Variants in PDZRN3 observed in about 807,000 individuals in gnomAD.
PDZRN3 encodes PDZ domain containing ring finger 3, also known as E3 ubiquitin-protein ligase PDZRN3.
PDZRN3 carries 38 observed loss-of-function variants against 85.7 expected under a neutral mutation model. The ratio of observed to expected loss-of-function variants is 0.44; its 90% CI spans 0.34 to 0.58. The LOEUF is 0.58. Among genes scored for constraint, PDZRN3 ranks in the 20% least tolerant of loss-of-function variants. The probability of loss-of-function intolerance (pLI) is 0.01; values close to 1 mark genes in which losing one functional copy is unlikely to be tolerated. For missense variants in PDZRN3, 1,629 were observed against 1,506.4 expected (o/e 1.08, Z -1.35); for synonymous variants, 759 against 638.0 (o/e 1.19, Z -2.86).
chr3:73,618,484 C>G (rs1377488254), intron 1 of PDZRN3, among the ~76,000 whole-genome samples: 1 of 151,956 alleles, frequency 6.6e-6, no homozygotes, highest in East Asian at 1.9e-4. Flanking sequence ...TCTGCTACTC[C>G]CATTAAAAAA....
At position 73,384,670 on chromosome 3, in the gene PDZRN3, G is replaced by A. The variant is rs541733764; in HGVS notation, c.1896C>T (p.Asp632=). The A allele has an allele frequency of 1.1e-5, 17 of 1,613,886 alleles. No individual in the cohort carries two copies. Among genetic ancestry groups the A allele is most frequent in the Admixed American group, 3.3e-5 (2 of 60,012 alleles). Residue 632 remains aspartate (D), a synonymous_variant, in exon 10 of 10, where the codon GAC becomes GAT. Transcript: ENST00000263666. ...CCACCGGGATCCCCAGGTAGTCGGC[G>A]TCCGTGCAGTCGGCCGAAATGAAAG... The part of the protein sequence containing the change: ...NESFISADCT[D]ADYLGIPVDE...
rs1702948980 is a variant in PDZRN3, at chr3:73,624,923, C to G, written c.-98G>C. The G allele has an allele frequency of 5.0e-5, 47 of 941,156 alleles. No individual in the cohort carries two copies. Among genetic ancestry groups the G allele is most frequent in the Non-Finnish European group, 6.5e-5 (47 of 721,466 alleles). 58.3% of individuals were successfully genotyped at this position (941,156 alleles called of 1,614,324 possible). A position where few individuals can be genotyped will look rare whatever the true frequency, so the allele number is the denominator to read the frequency against. On this transcript the variant is annotated 5_prime_UTR_variant, in exon 1 of 10. Coordinates refer to ENST00000263666, the MANE Select transcript of PDZRN3 (RefSeq NM_015009.3). ...AGGCCGGCTACGCCGCCCGCGCGCT[C>G]GCTGGCTCTCCCCGGACTGAGCCTA...
intron 3 of PDZRN3, among the ~76,000 whole-genome samples, chr3:73,487,513 A>C (rs2106649676): frequency 1.3e-5 from 2 of 152,268 alleles, no homozygotes; most frequent in Middle Eastern, 6.8e-3. Context: ...ACACAAGATG[A>C]AGATGTCACA....
intron 3 of PDZRN3, among the ~76,000 whole-genome samples, chr3:73,505,971 A>G (rs1019468730): frequency 6.6e-6 from 1 of 152,050 alleles, no homozygotes; most frequent in African/African-American, 2.4e-5. Flanking sequence ...TATCCCCCCT[A>G]AGACTCCCAT....
At position 73,385,098 on chromosome 3, in the gene PDZRN3, C is replaced by G. The variant is rs536171144; in HGVS notation, c.1636-168G>C. Among the ~76,000 whole-genome samples, 4 of 152,356 alleles carry G rather than the reference C, an allele frequency of 2.6e-5. No homozygotes were observed. In the South Asian group the frequency reaches 8.3e-4, roughly 32 times the overall value. On this transcript the variant is annotated intron_variant, in intron 9 of 9. Coordinates refer to ENST00000263666, the MANE Select transcript of PDZRN3 (RefSeq NM_015009.3). The stretch of plus-strand genomic sequence containing the variant: ...TCAATAGCGTGGGCCTTAGCTACAC[C>G]TACCCGTATCTACCTGGGCAAGTCA...
Position 73,598,999 on chromosome 3 carries a change from C to T in PDZRN3, c.918+3355G>A, listed in dbSNP as rs568249916. On this transcript the variant is annotated intron_variant, in intron 3 of 9. Coordinates refer to ENST00000263666, the MANE Select transcript of PDZRN3 (RefSeq NM_015009.3). ...TCTCCTGCAATGAAGAATGGTTCTG[C>T]CTCCAGCACAACTATCACATATCCC... is the stretch of plus-strand genomic sequence containing the variant. Among the ~76,000 whole-genome samples the T allele has an allele frequency of 2.6e-4, 40 of 152,262 alleles. No individual in the cohort carries two copies. The South Asian group carries it at 4.8e-3, about 18-fold the overall frequency.
intron 3 of PDZRN3, among the ~76,000 whole-genome samples, chr3:73,599,797 C>A (rs2106892240): frequency 6.6e-6 from 1 of 152,348 alleles, no homozygotes; most frequent in Non-Finnish European, 1.5e-5. Flanking sequence ...TATCTGGCAG[C>A]ATCTGCAGCC....
chr3:73,504,856 T>C (rs904397411), intron 3 of PDZRN3, among the ~76,000 whole-genome samples: 1 of 152,220 alleles, frequency 6.6e-6, no homozygotes, highest in African/African-American at 2.4e-5. Context: ...TTCATTATAT[T>C]AATTAACAAC....
chr3:73,598,532 AG>A (rs1702464598), intron 3 of PDZRN3, among the ~76,000 whole-genome samples: 1 of 152,190 alleles, frequency 6.6e-6, no homozygotes, highest in Admixed American at 6.5e-5. Flanking sequence ...GCTGAATCCT[AG>A]TACCAAATGT....
In PDZRN3 at chr3:73,569,532, A is replaced by G. The variant is rs893893612; in HGVS notation, c.918+32822T>C. 1.4e-5 allele frequency: 15 copies of G among 1,046,590 alleles called. No individual in the cohort carries two copies. The Admixed American group carries it at 1.6e-4, about 11-fold the overall frequency. The allele number at this position is 1,046,590 out of a possible 1,614,324, so 64.8% of individuals were successfully genotyped here. On this transcript the variant is annotated intron_variant, in intron 3 of 9. Transcript: ENST00000263666. Reference sequence around the variant, plus strand: ...AATGAGATCAGCTGCTCCTCAGTGAAGCTTTCTCAGAAGCCTCCCACCCCC... The same window carrying G: ...AATGAGATCAGCTGCTCCTCAGTGAGGCTTTCTCAGAAGCCTCCCACCCCC...
rs553505261 is a variant in PDZRN3, at chr3:73,579,672, CCT to C, written c.918+22680_918+22681del. On this transcript the variant is annotated intron_variant, in intron 3 of 9. Coordinates refer to ENST00000263666, the MANE Select transcript of PDZRN3 (RefSeq NM_015009.3). Reference sequence around the variant, plus strand: ...TGAATGTGGCACACTGCAAGTTGCCCCTGTGTAAGAGTGAATTTCACTCTGAG... The same window carrying C: ...TGAATGTGGCACACTGCAAGTTGCCCGTGTAAGAGTGAATTTCACTCTGAG... 7.9e-5 allele frequency among the ~76,000 whole-genome samples: 12 copies of C among 152,188 alleles called. No individual in the cohort carries two copies. The East Asian group carries it at 2.3e-3, about 29-fold the overall frequency.
At chr3:73,553,576 T>A (rs1247109619) in intron 3 of PDZRN3, among the ~76,000 whole-genome samples, 4 of 136,722 alleles carry the variant, frequency 2.9e-5, no homozygotes, top group East Asian at 2.1e-4. Context: ...AGACTCCATC[T>A]AAAAAAAAAA....
intron 3 of PDZRN3, among the ~76,000 whole-genome samples, chr3:73,444,079 T>C (rs1258502080): frequency 6.6e-6 from 1 of 152,228 alleles, no homozygotes; most frequent in East Asian, 1.9e-4. Context: ...ATCTGTCTCC[T>C]GCTATCCTGC....
At chr3:73,554,574 T>A (rs903986800) in intron 3 of PDZRN3, among the ~76,000 whole-genome samples, 1 of 151,948 alleles carries the variant, frequency 6.6e-6, no homozygotes, top group Non-Finnish European at 1.5e-5. Flanking sequence ...GCCAAGGAAA[T>A]AAATATCTAT....
At chr3:73,524,532 G>A (rs1313355682) in intron 3 of PDZRN3, among the ~76,000 whole-genome samples, 3 of 152,154 alleles carry the variant, frequency 2.0e-5, no homozygotes, top group Non-Finnish European at 4.4e-5. Flanking sequence ...CAAGTGGCAC[G>A]GTCAGGTGTG....
chr3:73,534,848 A>G (rs2106764387), intron 3 of PDZRN3, among the ~76,000 whole-genome samples: 1 of 152,362 alleles, frequency 6.6e-6, no homozygotes, highest in African/African-American at 2.4e-5. Context: ...TCCGGTCTTC[A>G]AAACACTTCT....
At chr3:73,563,004 TATATA>T (rs1214244739) in intron 3 of PDZRN3, among the ~76,000 whole-genome samples, 5 of 38,756 alleles carry the variant, frequency 1.3e-4, no homozygotes, top group African/African-American at 4.4e-4. Context: ...TATATATATA[TATATA>T]TATATTTTTT....
intron 3 of PDZRN3, among the ~76,000 whole-genome samples, chr3:73,476,015 C>T (rs774191321): frequency 3.9e-5 from 6 of 152,188 alleles, no homozygotes; most frequent in Non-Finnish European, 7.4e-5. Context: ...CAGCTTCCCA[C>T]CTTCATGGTT....
Position 73,607,949 on chromosome 3 carries a change from G to C in PDZRN3, c.810+649C>G, listed in dbSNP as rs151253680. ...TGGTCAGGAAAAGAAAAGGGTAAAG[G>C]ATGGGACATATTCAGATAATCCCCC... On this transcript the variant is annotated intron_variant, in intron 2 of 9. Transcript: ENST00000263666. Among the ~76,000 whole-genome samples, 1,195 of 152,290 alleles carry C rather than the reference G, an allele frequency of 7.8e-3. 7 individuals are homozygous for C. The highest frequency in any genetic ancestry group is 0.013 in the Non-Finnish European group (908 of 68,022).
Sources: allele counts gnomAD v4.1 joint callset (sites outside exome capture counted in the v4.1 genomes callset), GRCh38; gene constraint gnomAD v4.1.1; transcripts MANE v1.5; gene names NCBI Gene and HGNC (gene_info 2026-07-23, HGNC 2026-07-21).